RIMKLB: variants seen among roughly 807,000 people sequenced by gnomAD.
RIMKLB encodes beta-citrylglutamate synthase B.
Under a neutral mutation model 32.0 loss-of-function variants are expected in RIMKLB, and 7 were observed. That is an observed-to-expected ratio of 0.22 (90% CI 0.12 to 0.41). The LOEUF is 0.41. Ranked by LOEUF, RIMKLB falls within the 10% of genes least tolerant of loss-of-function variation. RIMKLB has a pLI of 1.00. For synonymous variants in RIMKLB, 172 were observed against 185.1 expected (o/e 0.93, Z 0.57); for missense variants, 289 against 498.7 (o/e 0.58, Z 4.00).
intron 2 of RIMKLB, among the ~76,000 whole-genome samples, chr12:8,738,197 G>C (rs745662255): frequency 6.6e-6 from 1 of 152,238 alleles, no homozygotes; most frequent in African/African-American, 2.4e-5. Context: ...ATGTACCACT[G>C]TGCCCAGCTA....
At chr12:8,728,690 C>T (rs1365803368) in intron 2 of RIMKLB, among the ~76,000 whole-genome samples, 2 of 152,094 alleles carry the variant, frequency 1.3e-5, no homozygotes, top group East Asian at 3.9e-4. Context: ...TGGCTCACTG[C>T]AACCTCCACA....
intron 2 of RIMKLB, among the ~76,000 whole-genome samples, chr12:8,749,331 C>T (rs775898040): frequency 6.6e-6 from 1 of 152,096 alleles, no homozygotes; most frequent in Admixed American, 6.5e-5. Context: ...CTGCCTCAGC[C>T]TCCCGAGTAG....
chr12:8,722,326 T>C (rs1945530531), intron 2 of RIMKLB, among the ~76,000 whole-genome samples: 2 of 152,152 alleles, frequency 1.3e-5, no homozygotes, highest in African/African-American at 4.8e-5. Context: ...ATCAGAGCTC[T>C]TGGGTGACCA....
At chr12:8,733,739 C>T (rs1000811955) in intron 2 of RIMKLB, among the ~76,000 whole-genome samples, 3 of 151,982 alleles carry the variant, frequency 2.0e-5, no homozygotes, top group African/African-American at 4.8e-5. Context: ...AGAAATTAGC[C>T]GGACGTGATG....
At position 8,725,434 on chromosome 12, in the gene RIMKLB, C is replaced by T. The variant is rs369533564; in HGVS notation, c.175+11393C>T. ...CTGGGATTACAGGTGCACGCCAGCACGCGCAGCTAATTTTTGTGTTTGTAG... is the reference window on the plus strand; with the variant it reads ...CTGGGATTACAGGTGCACGCCAGCATGCGCAGCTAATTTTTGTGTTTGTAG... On this transcript the variant is annotated intron_variant, in intron 2 of 5. Transcript: ENST00000535829. Among the ~76,000 whole-genome samples, 12 of 152,070 alleles carry T rather than the reference C, an allele frequency of 7.9e-5. No individual in the cohort carries two copies. In the East Asian group the frequency reaches 9.7e-4, roughly 12 times the overall value.
chr12:8,719,603 C>T (rs886129983), intron 2 of RIMKLB, among the ~76,000 whole-genome samples: 2 of 151,938 alleles, frequency 1.3e-5, no homozygotes, highest in African/African-American at 2.4e-5. Flanking sequence ...TCCTGACCTC[C>T]GGTGATCCGC....
the RIMKLB span, among the ~76,000 whole-genome samples, chr12:8,674,735 A>C: frequency 1.3e-5 from 2 of 151,904 alleles, no homozygotes; most frequent in African/African-American, 4.8e-5. Context: ...TTTTTAGTAG[A>C]GATGGGGTTT....
intron 2 of RIMKLB, among the ~76,000 whole-genome samples, chr12:8,715,022 A>G (rs1031390206): frequency 1.3e-4 from 20 of 152,310 alleles, no homozygotes; most frequent in African/African-American, 4.6e-4. Context: ...AATTTCATTC[A>G]CAGGCTAACA....
At chr12:8,686,503 G>A (rs1344074432) in intron 1 of RIMKLB, among the ~76,000 whole-genome samples, 4 of 150,014 alleles carry the variant, frequency 2.7e-5, no homozygotes, top group African/African-American at 7.4e-5. Context: ...TTTTTGAGAC[G>A]GAGTCTCGCT....
chr12:8,672,605 A>ACC, the RIMKLB span, among the ~76,000 whole-genome samples: 18 of 151,014 alleles, frequency 1.2e-4, no homozygotes, highest in African/African-American at 2.9e-4. Flanking sequence ...GGGAAAGATG[A>ACC]CCCCCCCATG....
chr12:8,778,308 C>T (rs1204274747), downstream of RIMKLB, among the ~76,000 whole-genome samples: 1 of 152,128 alleles, frequency 6.6e-6, no homozygotes, highest in African/African-American at 2.4e-5. Context: ...TACCTTAGTG[C>T]TTCTCTCTGT....
chr12:8,709,161 A>G (rs1944153548), intron 1 of RIMKLB, among the ~76,000 whole-genome samples: 1 of 152,230 alleles, frequency 6.6e-6, no homozygotes, highest in Non-Finnish European at 1.5e-5. Flanking sequence ...TTAAACTACT[A>G]GGAAAAAAGT....
At chr12:8,738,611 TAC>T (rs781163536) in intron 2 of RIMKLB, among the ~76,000 whole-genome samples, 1 of 152,152 alleles carries the variant, frequency 6.6e-6, no homozygotes, top group Non-Finnish European at 1.5e-5. Context: ...TTTGTCTGAT[TAC>T]ACACACACAA....
chr12:8,668,749 A>G, the RIMKLB span: 3 of 152,160 alleles, frequency 2.0e-5, no homozygotes, highest in Admixed American at 2.0e-4. Context: ...TTGGAAGTGG[A>G]TCTTTTCTCA....
intron 5 of RIMKLB, among the ~76,000 whole-genome samples, chr12:8,764,588 G>A (rs1591976779): frequency 6.6e-6 from 1 of 152,240 alleles, no homozygotes; most frequent in East Asian, 1.9e-4. Flanking sequence ...CAGTGTCCAG[G>A]AGACAGTTAA....
At chr12:8,739,819 A>G (rs890174385) in intron 2 of RIMKLB, among the ~76,000 whole-genome samples, 2 of 152,040 alleles carry the variant, frequency 1.3e-5, no homozygotes, top group South Asian at 2.1e-4. Context: ...TGAGAGCTCT[A>G]CCTCCTTGTG....
chr12:8,720,725 A>T (rs1005221136), intron 2 of RIMKLB, among the ~76,000 whole-genome samples: 3 of 152,158 alleles, frequency 2.0e-5, no homozygotes, highest in African/African-American at 7.2e-5. Context: ...TTTTTGGTAG[A>T]GATGGGGTTT....
intron 5 of RIMKLB, among the ~76,000 whole-genome samples, chr12:8,758,562 A>G (rs1360768149): frequency 2.0e-5 from 3 of 152,290 alleles, no homozygotes; most frequent in Non-Finnish European, 2.9e-5. Flanking sequence ...TTTAATGTCA[A>G]GCATATTCAT....
intron 1 of RIMKLB, among the ~76,000 whole-genome samples, chr12:8,682,418 G>A (rs912203054): frequency 3.3e-5 from 5 of 152,144 alleles, no homozygotes; most frequent in African/African-American, 9.7e-5. Flanking sequence ...CCTTCTCAAT[G>A]CCAGGCACTG....
Sources: allele counts gnomAD v4.1 joint callset (sites outside exome capture counted in the v4.1 genomes callset), GRCh38; gene constraint gnomAD v4.1.1; transcripts MANE v1.5; gene names NCBI Gene and HGNC (gene_info 2026-07-23, HGNC 2026-07-21).